CDC14A: variants seen among roughly 807,000 people sequenced by gnomAD.
CDC14A encodes dual specificity protein phosphatase CDC14A.
CDC14A carries 53 observed loss-of-function variants against 74.4 expected under a neutral mutation model. The ratio of observed to expected loss-of-function variants is 0.71; its 90% confidence interval spans 0.57 to 0.89. CDC14A has a LOEUF of 0.89. Among genes scored for constraint, CDC14A ranks in the 40% least tolerant of loss-of-function variants. CDC14A has a pLI of 0.00. For missense variants in CDC14A, 646 were observed against 713.7 expected (o/e 0.91, Z 1.08); for synonymous variants, 247 against 258.4 (o/e 0.96, Z 0.43).
intron 11 of CDC14A, among the ~76,000 whole-genome samples, chr1:100,494,184 C>A (rs1224873712): frequency 2.6e-5 from 4 of 152,098 alleles, no homozygotes; most frequent in African/African-American, 9.7e-5. Context: ...AATAAGGGTA[C>A]CAGTGCCTCC....
chr1:100,421,414 G>A (rs6577171), intron 4 of CDC14A, among the ~76,000 whole-genome samples: 44,383 of 152,060 alleles, frequency 0.29, 9,142 homozygotes, highest in African/African-American at 0.58. Flanking sequence ...GTACACATTT[G>A]ACATTGCATA....
At chr1:100,509,299 T>C (rs1649502895) in intron 15 of CDC14A, among the ~76,000 whole-genome samples, 4 of 152,346 alleles carry the variant, frequency 2.6e-5, no homozygotes, top group African/African-American at 7.2e-5. Context: ...ATTCTGTTTG[T>C]ATTGGTTATT....
intron 4 of CDC14A, among the ~76,000 whole-genome samples, chr1:100,406,936 A>T (rs563420875): frequency 6.6e-6 from 1 of 151,984 alleles, no homozygotes; most frequent in African/African-American, 2.4e-5. Flanking sequence ...CAAATAAAAA[A>T]AAAAAAAAAA....
intron 5 of CDC14A, among the ~76,000 whole-genome samples, chr1:100,428,860 G>T (rs982539393): frequency 6.6e-6 from 1 of 151,988 alleles, no homozygotes; most frequent in Non-Finnish European, 1.5e-5. Context: ...TATCAGGTTG[G>T]TACGTTTTTT....
At chr1:100,376,728 A>G (rs938116569) in intron 2 of CDC14A, among the ~76,000 whole-genome samples, 1 of 152,252 alleles carries the variant, frequency 6.6e-6, no homozygotes, top group African/African-American at 2.4e-5. Context: ...TAGGGGATGA[A>G]GAGAGGGGGA....
upstream of CDC14A, chr1:100,351,657 T>G: frequency 1.6e-6 from 2 of 1,273,094 alleles, no homozygotes; most frequent in Middle Eastern, 4.6e-4. Context: ...CTCAGCGGTC[T>G]CGCCCCGCCC....
chr1:100,375,052 A>G (rs1206457108), intron 2 of CDC14A, among the ~76,000 whole-genome samples: 1 of 152,228 alleles, frequency 6.6e-6, no homozygotes, highest in African/African-American at 2.4e-5. Context: ...CGAATGACTC[A>G]GACGGTAAGT....
intron 9 of CDC14A, among the ~76,000 whole-genome samples, chr1:100,464,926 CTT>C (rs58978094): frequency 0.086 from 11,879 of 138,608 alleles, 1,243 homozygotes; most frequent in African/African-American, 0.27. Flanking sequence ...CTTTTCTTTT[CTT>C]TTTTTTTTTT....
intron 2 of CDC14A, among the ~76,000 whole-genome samples, chr1:100,359,128 GAAT>G (rs952378209): frequency 2.6e-5 from 4 of 152,080 alleles, no homozygotes; most frequent in African/African-American, 9.7e-5. Context: ...TTCATTGTGG[GAAT>G]AATAATAAAG....
At chr1:100,444,428 T>TC (rs1381082075) in intron 7 of CDC14A, among the ~76,000 whole-genome samples, 1 of 152,166 alleles carries the variant, frequency 6.6e-6, no homozygotes, top group Non-Finnish European at 1.5e-5. Context: ...CGGCTGTTTC[T>TC]CCCATTGCCC....
intron 10 of CDC14A, among the ~76,000 whole-genome samples, chr1:100,476,387 G>T (rs774155704): frequency 1.3e-5 from 2 of 152,178 alleles, no homozygotes; most frequent in Admixed American, 1.3e-4. Flanking sequence ...GGCAGAGGTT[G>T]CAGTGAGCCG....
chr1:100,385,467 G>A (rs528325445), intron 3 of CDC14A, among the ~76,000 whole-genome samples: 15 of 152,332 alleles, frequency 9.8e-5, no homozygotes, highest in Non-Finnish European at 1.9e-4. Flanking sequence ...ATGTGGTTTA[G>A]AGTTAGATTT....
In CDC14A at chr1:100,518,549, T is replaced by C. The variant is rs912758677; in HGVS notation, c.*269T>C. The C allele has an allele frequency of 3.0e-6, 1 of 329,580 alleles. No homozygotes were observed. Among genetic ancestry groups the C allele is most frequent in the Admixed American group, 4.6e-5 (1 of 21,616 alleles). The allele number at this position is 329,580 out of a possible 1,614,324, so 20.4% of individuals were successfully genotyped here. On this transcript the variant is annotated 3_prime_UTR_variant, in exon 16 of 16. Coordinates refer to ENST00000336454, the MANE Select transcript of CDC14A (RefSeq NM_003672.4). Reference sequence around the variant, plus strand: ...TTGAATTTGGTATTTTGAAGGGTTATTTTTAATGTATTTTGGTAATACATT... The same window carrying C: ...TTGAATTTGGTATTTTGAAGGGTTACTTTTAATGTATTTTGGTAATACATT...
upstream of CDC14A, among the ~76,000 whole-genome samples, chr1:100,349,897 T>C (rs1650775622): frequency 6.6e-6 from 1 of 151,688 alleles, no homozygotes; most frequent in Non-Finnish European, 1.5e-5. Flanking sequence ...CTCGGCTCAC[T>C]GCAACCTCCC....
At chr1:100,366,671 G>A (rs1653672958) in intron 2 of CDC14A, among the ~76,000 whole-genome samples, 1 of 152,210 alleles carries the variant, frequency 6.6e-6, no homozygotes, top group African/African-American at 2.4e-5. Flanking sequence ...TGTTCTCCTG[G>A]TAAGGAGATG....
chr1:100,352,662 C>CGCG lies in CDC14A; in HGVS notation c.-282_-280dup. The CGCG allele has an allele frequency of 7.8e-7, 1 of 1,276,708 alleles. No individual in the cohort carries two copies. Among genetic ancestry groups the CGCG allele is most frequent in the African/African-American group, 1.6e-5 (1 of 62,782 alleles). The allele number at this position is 1,276,708 out of a possible 1,614,324, so 79.1% of individuals were successfully genotyped here. On this transcript the variant is annotated 5_prime_UTR_variant, in exon 1 of 16. Coordinates refer to ENST00000336454, the MANE Select transcript of CDC14A (RefSeq NM_003672.4). The stretch of plus-strand genomic sequence containing the variant: ...TGAGAGCTGGTCTGCGTTTCCCAGG[C>CGCG]GCGGCGGCGGCGGAGCAGCAGCTGC...
At chr1:100,488,855 C>T (rs938666919) in intron 11 of CDC14A, among the ~76,000 whole-genome samples, 1 of 152,134 alleles carries the variant, frequency 6.6e-6, no homozygotes, top group African/African-American at 2.4e-5. Flanking sequence ...TTTCTTTCCC[C>T]CATTATGACA....
chr1:100,359,251 C>G (rs1652352379), intron 2 of CDC14A, among the ~76,000 whole-genome samples: 1 of 152,230 alleles, frequency 6.6e-6, no homozygotes, highest in South Asian at 2.1e-4. Flanking sequence ...ATCCTCAGAA[C>G]AAGCCTAGGA....
chr1:100,445,943 A>G (rs1388804427), intron 7 of CDC14A, among the ~76,000 whole-genome samples: 1 of 152,190 alleles, frequency 6.6e-6, no homozygotes, highest in Non-Finnish European at 1.5e-5. Flanking sequence ...TAGTTTCTTA[A>G]TTTCTTAAAT....
Sources: gnomAD v4.1 joint callset for allele counts (sites outside exome capture counted in the v4.1 genomes callset) on GRCh38, gnomAD v4.1.1 for gene constraint, MANE v1.5 for transcripts, NCBI Gene and HGNC (gene_info 2026-07-23, HGNC 2026-07-21) for gene names.